The following FOXP1 variants were observed in gnomAD, a reference collection of about 807,000 sequenced individuals.
FOXP1 encodes forkhead box protein P1.
A neutral mutation model predicts 98.2 loss-of-function variants in FOXP1; 15 were observed. The observed-to-expected ratio is 0.15, with a 90% CI of 0.10 to 0.24. The LOEUF (loss-of-function observed/expected upper bound fraction) is 0.24, where lower values mean the gene tolerates loss of function less well. FOXP1 is among the 10% of genes least tolerant of loss of function. The probability of loss-of-function intolerance (pLI) is 1.00; values close to 1 mark genes in which losing one functional copy is unlikely to be tolerated. For synonymous variants in FOXP1, 371 were observed against 314.5 expected (o/e 1.18, Z -1.90); for missense variants, 633 against 848.5 (o/e 0.75, Z 3.15).
In FOXP1 at chr3:71,425,860, C is replaced by T. The variant is rs370275476; in HGVS notation, c.-167-66616G>A. On this transcript the variant is annotated intron_variant, in intron 3 of 20. Transcript: ENST00000649528. ...CAACATGAAGGGCCATTAAATTGAGCTTATTCAAACTCTTGCAAATTTCCA... is the reference window on the plus strand; with the variant it reads ...CAACATGAAGGGCCATTAAATTGAGTTTATTCAAACTCTTGCAAATTTCCA... Among the ~76,000 whole-genome samples, 5 of 152,136 alleles carry T rather than the reference C, an allele frequency of 3.3e-5. No individual in the cohort carries two copies. The East Asian group carries it at 9.6e-4, about 29-fold the overall frequency.
intron 3 of FOXP1, among the ~76,000 whole-genome samples, chr3:71,475,048 T>C (rs2089702272): frequency 6.6e-6 from 1 of 152,056 alleles, no homozygotes; most frequent in Non-Finnish European, 1.5e-5. Flanking sequence ...TCTGAAGTCA[T>C]GATTTTCTCT....
At chr3:71,259,060 G>C (rs1358459824) in intron 5 of FOXP1, among the ~76,000 whole-genome samples, 1 of 152,184 alleles carries the variant, frequency 6.6e-6, no homozygotes, top group Non-Finnish European at 1.5e-5. Context: ...CAGGAGAATT[G>C]CTTGAACCTG....
intron 6 of FOXP1, among the ~76,000 whole-genome samples, chr3:71,183,348 A>T (rs1021853428): frequency 6.6e-6 from 1 of 151,976 alleles, no homozygotes; most frequent in Non-Finnish European, 1.5e-5. Flanking sequence ...ACAAAAAAAC[A>T]TTAGCTGGGC....
At chr3:71,514,136 C>T (rs915543227) in intron 2 of FOXP1, among the ~76,000 whole-genome samples, 5 of 152,196 alleles carry the variant, frequency 3.3e-5, no homozygotes, top group Non-Finnish European at 7.3e-5. Context: ...CCCCATCTCT[C>T]ACCACACTCC....
intron 12 of FOXP1, among the ~76,000 whole-genome samples, chr3:71,014,093 G>A (rs1355511331): frequency 3.3e-5 from 5 of 152,116 alleles, no homozygotes; most frequent in African/African-American, 1.2e-4. Flanking sequence ...CATAGGCATG[G>A]GCAAGGACTT....
At chr3:71,010,735 G>C (rs2043468871) in intron 12 of FOXP1, among the ~76,000 whole-genome samples, 1 of 152,054 alleles carries the variant, frequency 6.6e-6, no homozygotes, top group Non-Finnish European at 1.5e-5. Context: ...AGAGAATTTT[G>C]GGTCCACTGA....
chr3:71,329,924 A>T (rs2076196659), intron 4 of FOXP1: 1 of 152,238 alleles, frequency 6.6e-6, no homozygotes, highest in Non-Finnish European at 1.5e-5. Context: ...AGAAAATAAC[A>T]TGCCAGACAT....
intron 2 of FOXP1, among the ~76,000 whole-genome samples, chr3:71,502,078 C>T (rs2107198391): frequency 6.6e-6 from 1 of 152,318 alleles, no homozygotes; most frequent in South Asian, 2.1e-4. Flanking sequence ...CACTTGGCAC[C>T]CTATCTATAA....
At chr3:71,493,298 G>T (rs746775607) in intron 3 of FOXP1, 128 bp downstream of exon 3, 2 of 152,142 alleles carry the variant, frequency 1.3e-5, no homozygotes, top group Non-Finnish European at 2.9e-5. Context: ...GATTACACCA[G>T]AAAACAATGA....
intron 3 of FOXP1, among the ~76,000 whole-genome samples, chr3:71,413,204 C>A: frequency 1.3e-5 from 1 of 78,702 alleles, no homozygotes; most frequent in African/African-American, 5.4e-5. Flanking sequence ...ACACCACCCC[C>A]CCAAATAGAC....
intron 8 of FOXP1, 28 bp from the exon 9 acceptor site, chr3:71,052,654 AAC>A (rs748116528): frequency 2.2e-6 from 2 of 925,192 alleles, no homozygotes; most frequent in South Asian, 1.3e-5. Context: ...GACGGTAAGT[AAC>A]AGAGGGTAGC....
At chr3:71,179,039 G>A (rs375674590) in intron 6 of FOXP1, among the ~76,000 whole-genome samples, 10 of 145,636 alleles carry the variant, frequency 6.9e-5, no homozygotes, top group Non-Finnish European at 1.3e-4. Context: ...TTGACAAGAT[G>A]TTCAGGATTT....
chr3:71,000,714 C>G lies in FOXP1; in HGVS notation c.1062+258G>C, dbSNP rs189573362. On this transcript the variant is annotated intron_variant, in intron 13 of 20. Coordinates refer to ENST00000649528, the MANE Select transcript of FOXP1 (RefSeq NM_001349338.3). ...GTGGCCGCTGAGAGTTGGCTGCATA[C>G]ACACAGGTGCCCAGAATTTGGAAAC... Among the ~76,000 whole-genome samples the G allele has an allele frequency of 5.3e-5, 8 of 151,756 alleles. No individual in the cohort carries two copies. In the East Asian group the frequency reaches 1.6e-3, roughly 29 times the overall value.
Position 71,342,034 on chromosome 3 carries a change from T to C in FOXP1, c.-73+17116A>G, listed in dbSNP as rs142975809. ...CTTCTGAATTTGAATCTTATGTTTT[T>C]TTCTGCTACATAACTAGTCTTATGA... On this transcript the variant is annotated intron_variant, in intron 4 of 20. Coordinates refer to ENST00000649528, the MANE Select transcript of FOXP1 (RefSeq NM_001349338.3). Among the ~76,000 whole-genome samples the C allele has an allele frequency of 3.4e-5, 4 of 118,898 alleles. No individual in the cohort carries two copies. The East Asian group carries it at 1.1e-3, about 34-fold the overall frequency. The allele number at this position is 118,898 out of a possible 152,430, so 78.0% of individuals were successfully genotyped here.
At chr3:71,125,335 CAA>C in intron 6 of FOXP1, among the ~76,000 whole-genome samples, 1 of 152,248 alleles carries the variant, frequency 6.6e-6, no homozygotes, top group South Asian at 2.1e-4. Flanking sequence ...GACATACACA[CAA>C]AAAGTCCACT....
chr3:71,452,672 G>T (rs2108505204), intron 3 of FOXP1, among the ~76,000 whole-genome samples: 1 of 152,302 alleles, frequency 6.6e-6, no homozygotes, highest in South Asian at 2.1e-4. Context: ...TCCTTTGATG[G>T]TCACAGAGCA....
chr3:71,009,963 C>G (rs916375004), intron 12 of FOXP1, among the ~76,000 whole-genome samples: 2 of 148,250 alleles, frequency 1.3e-5, no homozygotes, highest in African/African-American at 5.0e-5. Context: ...GCTATGTTGA[C>G]CTGGCTGGTC....
At chr3:71,274,245 T>C (rs2070677210) in intron 5 of FOXP1, among the ~76,000 whole-genome samples, 1 of 152,236 alleles carries the variant, frequency 6.6e-6, no homozygotes, top group Admixed American at 6.5e-5. Context: ...TTTAACTATG[T>C]TGCAAACAGG....
At chr3:71,256,230 G>A (rs889243323) in intron 5 of FOXP1, among the ~76,000 whole-genome samples, 1 of 152,146 alleles carries the variant, frequency 6.6e-6, no homozygotes, top group Non-Finnish European at 1.5e-5. Flanking sequence ...TCAGAAAGGA[G>A]GTTGAAAGTC....
Sources: gnomAD v4.1 joint callset for allele counts (sites outside exome capture counted in the v4.1 genomes callset) on GRCh38, gnomAD v4.1.1 for gene constraint, MANE v1.5 for transcripts, NCBI Gene and HGNC (gene_info 2026-07-23, HGNC 2026-07-21) for gene names.